The following MGAT4C variants were observed in gnomAD, a reference collection of about 807,000 sequenced individuals.
MGAT4C encodes the protein MGAT4 family member C.
A neutral mutation model predicts 40.1 loss-of-function variants in MGAT4C; 19 were observed. That is an observed-to-expected ratio of 0.47 (90% CI 0.33 to 0.70). The LOEUF is 0.70. Ranked by LOEUF, MGAT4C falls within the 30% of genes least tolerant of loss-of-function variation. The pLI is 0.02. For missense variants in MGAT4C, 491 were observed against 563.2 expected (o/e 0.87, Z 1.30); for synonymous variants, 181 against 187.1 (o/e 0.97, Z 0.27).
intron 1 of MGAT4C, among the ~76,000 whole-genome samples, chr12:86,089,582 T>C (rs1872521294): frequency 6.6e-6 from 1 of 151,820 alleles, no homozygotes; most frequent in Non-Finnish European, 1.5e-5. Context: ...TTCTAAAGTG[T>C]TTTGTTTTGT....
intron 3 of MGAT4C, among the ~76,000 whole-genome samples, chr12:86,403,630 G>A (rs563860792): frequency 2.6e-5 from 4 of 151,954 alleles, no homozygotes; most frequent in East Asian, 1.9e-4. Context: ...TGAAATTTTC[G>A]CTCTTTTAAG....
intron 2 of MGAT4C, among the ~76,000 whole-genome samples, chr12:86,006,608 T>C (rs1216954040): frequency 6.6e-6 from 1 of 152,192 alleles, no homozygotes. Flanking sequence ...ATGTTGGGCA[T>C]ATCCTCCAAG....
intron 4 of MGAT4C, among the ~76,000 whole-genome samples, chr12:86,265,332 G>T (rs1455447063): frequency 1.3e-5 from 2 of 152,196 alleles, no homozygotes; most frequent in Non-Finnish European, 2.9e-5. Flanking sequence ...TTCCCAGCTG[G>T]CGAAACAACA....
intron 1 of MGAT4C, among the ~76,000 whole-genome samples, chr12:86,122,860 T>TTG (rs775949955): frequency 5.3e-5 from 8 of 152,140 alleles, no homozygotes; most frequent in South Asian, 2.1e-4. Context: ...GTGATACAAA[T>TTG]TGTGTCAACA....
intron 2 of MGAT4C, among the ~76,000 whole-genome samples, chr12:86,686,955 G>T (rs578068424): frequency 6.6e-6 from 1 of 152,100 alleles, no homozygotes; most frequent in South Asian, 2.1e-4. Context: ...CTGTGAATCC[G>T]TCTGGTCCTG....
chr12:86,783,497 A>AT (rs1343444956), intron 1 of MGAT4C, among the ~76,000 whole-genome samples: 3 of 151,550 alleles, frequency 2.0e-5, no homozygotes, highest in Non-Finnish European at 4.4e-5. Flanking sequence ...TTACAATTTT[A>AT]TTTTTATTTG....
intron 2 of MGAT4C, among the ~76,000 whole-genome samples, chr12:86,564,654 C>T (rs1356877005): frequency 6.6e-6 from 1 of 152,166 alleles, no homozygotes; most frequent in Non-Finnish European, 1.5e-5. Context: ...TTGAGATATT[C>T]CTTCTAAGGT....
chr12:86,014,974 C>CT (rs1259813819), intron 2 of MGAT4C, among the ~76,000 whole-genome samples: 3 of 145,264 alleles, frequency 2.1e-5, no homozygotes, highest in East Asian at 4.0e-4. Flanking sequence ...CATTTTCTTT[C>CT]TTTCTTTTTT....
chr12:86,407,520 G>T (rs1592803968), intron 3 of MGAT4C, among the ~76,000 whole-genome samples: 1 of 152,018 alleles, frequency 6.6e-6, no homozygotes, highest in Non-Finnish European at 1.5e-5. Flanking sequence ...GAAAGTTTGG[G>T]TGAAGTTCTT....
intron 1 of MGAT4C, among the ~76,000 whole-genome samples, chr12:86,742,939 A>G (rs771039990): frequency 1.1e-4 from 17 of 151,640 alleles, no homozygotes; most frequent in Admixed American, 5.9e-4. Context: ...AGAGCAAAAT[A>G]TGTAACACTT....
At chr12:86,761,008 T>A (rs2136151932) in intron 1 of MGAT4C, among the ~76,000 whole-genome samples, 2 of 152,324 alleles carry the variant, frequency 1.3e-5, no homozygotes, top group Middle Eastern at 6.8e-3. Flanking sequence ...ACTATCTTAA[T>A]TTTGTTCAGT....
chr12:86,449,953 T>C (rs1443114805), intron 2 of MGAT4C, among the ~76,000 whole-genome samples: 1 of 152,170 alleles, frequency 6.6e-6, no homozygotes, highest in Non-Finnish European at 1.5e-5. Context: ...GAAATGGTGA[T>C]TATACAACAT....
At chr12:86,137,377 C>T (rs1035484170) in intron 1 of MGAT4C, among the ~76,000 whole-genome samples, 1 of 152,148 alleles carries the variant, frequency 6.6e-6, no homozygotes, top group African/African-American at 2.4e-5. Flanking sequence ...TTTTCCTAGG[C>T]TTCAATTAAA....
At chr12:86,702,157 G>A (rs959933623) in intron 2 of MGAT4C, among the ~76,000 whole-genome samples, 2 of 151,448 alleles carry the variant, frequency 1.3e-5, no homozygotes, top group African/African-American at 2.4e-5. Flanking sequence ...AGTCACTCAA[G>A]TAGCTAGCTG....
intron 4 of MGAT4C, among the ~76,000 whole-genome samples, chr12:86,309,190 T>C (rs1201352997): frequency 2.1e-5 from 3 of 143,786 alleles, no homozygotes; most frequent in East Asian, 4.1e-4. Context: ...TTGGCCTTTC[T>C]TTATAAAGCC....
chr12:86,640,427 T>C (rs937551078), intron 2 of MGAT4C, among the ~76,000 whole-genome samples: 4 of 152,018 alleles, frequency 2.6e-5, no homozygotes, highest in African/African-American at 9.7e-5. Context: ...GTTTTAAGAA[T>C]TCTGTGGGAT....
intron 1 of MGAT4C, among the ~76,000 whole-genome samples, chr12:86,160,963 T>A (rs147446968): frequency 0.014 from 2,115 of 152,130 alleles, 27 homozygotes; most frequent in South Asian, 0.033. Flanking sequence ...CCTGTGGGTG[T>A]CATTACATGT....
chr12:86,672,967 G>A (rs1964298490), intron 2 of MGAT4C, among the ~76,000 whole-genome samples: 1 of 151,480 alleles, frequency 6.6e-6, no homozygotes, highest in African/African-American at 2.4e-5. Flanking sequence ...GGTTCTTGGG[G>A]GATATATTAA....
intron 1 of MGAT4C, among the ~76,000 whole-genome samples, chr12:86,090,888 C>T (rs1324480474): frequency 6.6e-6 from 1 of 151,750 alleles, no homozygotes; most frequent in South Asian, 2.1e-4. Flanking sequence ...TTTTAAAAAT[C>T]CTGACAGCCA....
Sources: gnomAD v4.1 joint callset for allele counts (sites outside exome capture counted in the v4.1 genomes callset) on GRCh38, gnomAD v4.1.1 for gene constraint, MANE v1.5 for transcripts, NCBI Gene and HGNC (gene_info 2026-07-23, HGNC 2026-07-21) for gene names.